MGAT5: variants seen among roughly 807,000 people sequenced by gnomAD.
The protein encoded by MGAT5 is alpha-1,6-mannosylglycoprotein 6-beta-N-acetylglucosaminyltransferase.
A neutral mutation model predicts 94.3 loss-of-function variants in MGAT5; 30 were observed. The observed-to-expected ratio is 0.32, with a 90% CI of 0.24 to 0.43. The LOEUF (loss-of-function observed/expected upper bound fraction) is 0.43, where lower values mean the gene tolerates loss of function less well. Ranked by LOEUF, MGAT5 falls within the 20% of genes least tolerant of loss-of-function variation. The pLI is 1.00. For synonymous variants in MGAT5, 310 were observed against 322.9 expected, an observed-to-expected ratio of 0.96 and a Z score of 0.43; for missense variants, 691 against 905.5, an observed-to-expected ratio of 0.76 and a Z score of 3.04.
At position 134,332,266 on chromosome 2, in the gene MGAT5, C is replaced by T. The variant is rs564350540; in HGVS notation, c.574-3951C>T. Among the ~76,000 whole-genome samples the T allele has an allele frequency of 5.9e-5, 9 of 151,968 alleles. No homozygotes were observed. The South Asian group carries it at 1.9e-3, about 32-fold the overall frequency. Reference sequence around the variant, plus strand: ...TCTAGATCAATGGAACAGAACAGAGCCCTCAGAAATAATGCCACATATCTA... The same window carrying T: ...TCTAGATCAATGGAACAGAACAGAGTCCTCAGAAATAATGCCACATATCTA... On this transcript the variant is annotated intron_variant, in intron 4 of 15. Coordinates refer to ENST00000281923, the MANE Select transcript of MGAT5 (RefSeq NM_002410.5).
intron 15 of MGAT5, among the ~76,000 whole-genome samples, chr2:134,443,601 C>T (rs1202858067): frequency 1.3e-5 from 2 of 152,180 alleles, no homozygotes; most frequent in African/African-American, 4.8e-5. Flanking sequence ...GGGCTTGGGG[C>T]GGCACCCTGC....
At chr2:134,164,971 C>T (rs921129156) in intron 1 of MGAT5, among the ~76,000 whole-genome samples, 13 of 152,146 alleles carry the variant, frequency 8.5e-5, no homozygotes, top group Admixed American at 5.2e-4. Context: ...TCCTCCAGCA[C>T]GGTGTTGGTA....
chr2:134,149,979 C>T (rs1687098515), intron 1 of MGAT5, among the ~76,000 whole-genome samples: 1 of 152,204 alleles, frequency 6.6e-6, no homozygotes, highest in Non-Finnish European at 1.5e-5. Flanking sequence ...AGACCTCTCT[C>T]TTCCTTCCTC....
chr2:134,131,348 A>G (rs1040544614), intron 1 of MGAT5, among the ~76,000 whole-genome samples: 1 of 152,328 alleles, frequency 6.6e-6, no homozygotes, highest in African/African-American at 2.4e-5. Flanking sequence ...CCGAGGTGCA[A>G]AGGAAACTTG....
At chr2:134,393,257 A>T (rs927530849) in intron 10 of MGAT5, among the ~76,000 whole-genome samples, 12 of 152,130 alleles carry the variant, frequency 7.9e-5, no homozygotes, top group Non-Finnish European at 1.8e-4. Context: ...TTTTACACAA[A>T]TATGGATAGG....
At chr2:134,402,884 C>T in intron 10 of MGAT5, 104 bp from the exon 11 acceptor site, 1 of 1,161,448 alleles carries the variant, frequency 8.6e-7, no homozygotes, top group Non-Finnish European at 1.2e-6. Context: ...ATATTAAGAA[C>T]TCTCTGTCTG....
chr2:134,233,507 A>G (rs1200137644), intron 1 of MGAT5, among the ~76,000 whole-genome samples: 4 of 152,222 alleles, frequency 2.6e-5, no homozygotes, highest in African/African-American at 9.6e-5. Context: ...TCACACAGAT[A>G]TGCTTACATC....
At chr2:134,290,174 A>G (rs1394528887) in intron 2 of MGAT5, among the ~76,000 whole-genome samples, 2 of 152,200 alleles carry the variant, frequency 1.3e-5, no homozygotes, top group Non-Finnish European at 2.9e-5. Context: ...CCATCTTTCC[A>G]AAAGTGCACA....
At chr2:134,346,223 TAAG>T (rs939093650) in intron 8 of MGAT5, among the ~76,000 whole-genome samples, 1 of 152,168 alleles carries the variant, frequency 6.6e-6, no homozygotes, top group African/African-American at 2.4e-5. Flanking sequence ...TCCTCGCTGT[TAAG>T]AAGAGTTCTT....
At chr2:134,381,407 TAGATA>T (rs1558841968) in intron 10 of MGAT5, among the ~76,000 whole-genome samples, 37 of 71,986 alleles carry the variant, frequency 5.1e-4, no homozygotes, top group African/African-American at 2.1e-3. Flanking sequence ...GATAGATAGA[TAGATA>T]GATAGATAGA....
In MGAT5 at chr2:134,448,690, T is replaced by C; in HGVS notation, c.2069T>C (p.Ile690Thr). Residue 690 changes from isoleucine (I) to threonine (T), a missense_variant, in exon 16 of 16, where the codon ATC becomes ACC. By Grantham distance (89) the Ile-to-Thr change is moderately conservative. Transcript: ENST00000281923. ...CAAAGCTCAGAGCTGGCCAAGGACATCCTGGTGCCCTCCTTTGACCCTAAG... is the reference window on the plus strand; with the variant it reads ...CAAAGCTCAGAGCTGGCCAAGGACACCCTGGTGCCCTCCTTTGACCCTAAG... ...TCQSSELAKD[I>T]LVPSFDPKNK... The C allele has an allele frequency of 6.2e-7, 1 of 1,614,222 alleles. No individual in the cohort carries two copies. Among genetic ancestry groups the C allele is most frequent in the Non-Finnish European group, 8.5e-7 (1 of 1,180,040 alleles).
At chr2:134,429,065 G>C (rs1254042167) in intron 14 of MGAT5, among the ~76,000 whole-genome samples, 1 of 152,156 alleles carries the variant, frequency 6.6e-6, no homozygotes, top group African/African-American at 2.4e-5. Flanking sequence ...GCAACACAGA[G>C]CTAGAAATAG....
chr2:134,297,600 A>T (rs1349046820), intron 2 of MGAT5, among the ~76,000 whole-genome samples: 1 of 152,326 alleles, frequency 6.6e-6, no homozygotes, highest in East Asian at 1.9e-4. Context: ...AAATCTATTA[A>T]TATAATACTC....
chr2:134,409,440 T>C (rs1257049329), intron 11 of MGAT5, among the ~76,000 whole-genome samples: 1 of 152,226 alleles, frequency 6.6e-6, no homozygotes, highest in East Asian at 1.9e-4. Context: ...ATGATGGAGC[T>C]AGACCTTGAA....
intron 1 of MGAT5, among the ~76,000 whole-genome samples, chr2:134,180,043 C>CA: frequency 6.6e-6 from 1 of 152,298 alleles, no homozygotes; most frequent in Admixed American, 6.5e-5. Context: ...AATGCCATGG[C>CA]AATGCCCAGA....
At chr2:134,292,069 G>A (rs765103914) in intron 2 of MGAT5, among the ~76,000 whole-genome samples, 3 of 151,956 alleles carry the variant, frequency 2.0e-5, no homozygotes, top group Non-Finnish European at 2.9e-5. Context: ...ATTTTTAAAA[G>A]GGTTGGGCCC....
At chr2:134,416,022 A>C (rs929673221) in intron 12 of MGAT5, among the ~76,000 whole-genome samples, 3 of 152,206 alleles carry the variant, frequency 2.0e-5, no homozygotes, top group Non-Finnish European at 4.4e-5. Flanking sequence ...CTAAAGTTCT[A>C]CTTCTGCCCA....
At chr2:134,324,182 T>C (rs113856967) in intron 4 of MGAT5, among the ~76,000 whole-genome samples, 45 of 152,292 alleles carry the variant, frequency 3.0e-4, no homozygotes, top group East Asian at 1.4e-3. Context: ...TTTATGCTTT[T>C]CTTGTATGCA....
intron 1 of MGAT5, among the ~76,000 whole-genome samples, chr2:134,266,966 A>G (rs960764985): frequency 1.4e-4 from 21 of 152,220 alleles, no homozygotes; most frequent in African/African-American, 5.1e-4. Flanking sequence ...CTTAATTTTA[A>G]AAAAATCTTG....
Sources: gnomAD v4.1 joint callset for allele counts (sites outside exome capture counted in the v4.1 genomes callset) on GRCh38, gnomAD v4.1.1 for gene constraint, MANE v1.5 for transcripts, NCBI Gene and HGNC (gene_info 2026-07-23, HGNC 2026-07-21) for gene names.